P2RX7: variants seen among roughly 807,000 people sequenced by gnomAD.
P2RX7 encodes purinergic receptor P2X 7, also known as P2X purinoceptor 7.
Under a neutral mutation model 71.6 loss-of-function variants are expected in P2RX7, and 62 were observed. That is an observed-to-expected ratio of 0.87 (90% CI 0.71 to 1.07). The LOEUF is 1.07. Among genes scored for constraint, P2RX7 ranks in the 50% least tolerant of loss-of-function variants. The pLI is 0.00. For synonymous variants in P2RX7, 299 were observed against 283.3 expected (o/e 1.06, Z -0.56); for missense variants, 686 against 748.5 (o/e 0.92, Z 0.97).
intron 11 of P2RX7, among the ~76,000 whole-genome samples, chr12:121,177,768 G>C (rs946262017): frequency 8.6e-5 from 13 of 151,424 alleles, no homozygotes; most frequent in Admixed American, 8.6e-4. Context: ...ACCCAGGCTG[G>C]AGTGCAGAGG....
In P2RX7 at chr12:121,165,823, C is replaced by G. The variant is rs189540547; in HGVS notation, c.615-235C>G. ...CAGAGCAAGCAACCAAGAGTATAAC[C>G]AAGATGGAAGCCACAGTCTTTGGGG... is the stretch of plus-strand genomic sequence containing the variant. On this transcript the variant is annotated intron_variant, in intron 6 of 12. Coordinates refer to ENST00000328963, the MANE Select transcript of P2RX7 (RefSeq NM_002562.6). Among the ~76,000 whole-genome samples, 110 of 152,322 alleles carry G rather than the reference C, an allele frequency of 7.2e-4. 1 individual carries two copies. The highest frequency in any genetic ancestry group is 2.6e-3 in the African/African-American group (109 of 41,582).
At position 121,166,182 on chromosome 12, in the gene P2RX7, A is replaced by G. The variant is rs1378882624; in HGVS notation, c.739A>G (p.Ile247Val). 1.9e-6 allele frequency: 3 copies of G among 1,612,866 alleles called. No homozygotes were observed. The highest frequency in any genetic ancestry group is 1.7e-5 in the Admixed American group (1 of 59,976). The change falls in exon 7 of 13, where the codon ATT (isoleucine) becomes GTT (valine). Residue 247 changes from isoleucine (I) to valine (V), a missense_variant. By Grantham distance (29) the Ile-to-Val change is conservative. Coordinates refer to ENST00000328963, the MANE Select transcript of P2RX7 (RefSeq NM_002562.6). ...ETGDNFSDVA[I>V]QGGIMGIEIY... is the part of the protein sequence containing the mutation. ...AGGCGATAATTTTTCAGATGTGGCA[A>G]TTCAGGTTGGTGGTGCTTTGTACAC... is the stretch of plus-strand genomic sequence containing the variant.
At chr12:121,166,319 C>T (rs28360453) in intron 7 of P2RX7, 132 bp downstream of exon 7, 47,934 of 957,400 alleles carry the variant, frequency 0.05, 1,627 homozygotes, top group Non-Finnish European at 0.059. Flanking sequence ...TAAATCCACC[C>T]GCTACGCTAA....
intron 1 of P2RX7, among the ~76,000 whole-genome samples, chr12:121,144,253 A>G (rs1457862558): frequency 1.3e-5 from 2 of 152,208 alleles, no homozygotes; most frequent in Non-Finnish European, 2.9e-5. Flanking sequence ...GCTGGAGTGC[A>G]GTGGTATGAT....
At chr12:121,146,211 G>A (rs1338556216) in intron 1 of P2RX7, among the ~76,000 whole-genome samples, 1 of 149,312 alleles carries the variant, frequency 6.7e-6, no homozygotes, top group African/African-American at 2.5e-5. Flanking sequence ...CGGGCCCTGT[G>A]CTCCCAGCCT....
At position 121,162,515 on chromosome 12, in the gene P2RX7, C is replaced by A; in HGVS notation, c.528C>A (p.Ala176=). The A allele has an allele frequency of 1.2e-6, 2 of 1,612,650 alleles. No homozygotes were observed. Among genetic ancestry groups the A allele is most frequent in the South Asian group, 1.1e-5 (1 of 91,068 alleles). ...AWCPIEAVEE[A]PRPALLNSAE... ...GCCCCATCGAGGCAGTGGAAGAGGC[C>A]CCCCGGTGAGTCGCATGGGGAGACA... Residue 176 remains alanine, a synonymous_variant, in exon 5 of 13, where the codon GCC becomes GCA. Coordinates refer to ENST00000328963, the MANE Select transcript of P2RX7 (RefSeq NM_002562.6).
At chr12:121,141,275 A>G (rs590477) in intron 1 of P2RX7, among the ~76,000 whole-genome samples, 23,541 of 152,186 alleles carry the variant, frequency 0.15, 3,139 homozygotes, top group African/African-American at 0.36. Context: ...CTGCCTCCGC[A>G]TCTGATTTTC....
chr12:121,153,034 T>TGTCAAATCTGAGCTATC (rs1877782698), intron 1 of P2RX7, among the ~76,000 whole-genome samples: 1 of 152,234 alleles, frequency 6.6e-6, no homozygotes, highest in South Asian at 2.1e-4. Flanking sequence ...TACTTGCTAT[T>TGTCAAATCTGAGCTATC]GTCAAATCTG....
intron 7 of P2RX7, among the ~76,000 whole-genome samples, chr12:121,167,271 G>A (rs503720): frequency 0.32 from 48,769 of 151,764 alleles, 8,245 homozygotes; most frequent in African/African-American, 0.38. Context: ...TGAGTTTAAC[G>A]GTGATGTGTC....
In P2RX7 at chr12:121,186,192, A is replaced by G. The variant is rs1369889871; in HGVS notation, c.*1390A>G. 1.3e-5 allele frequency: 2 copies of G among 152,480 alleles called. No homozygotes were observed. The highest frequency in any genetic ancestry group is 2.9e-5 in the Non-Finnish European group (2 of 68,284). The allele number at this position is 152,480 out of a possible 1,614,324, so 9.4% of individuals were successfully genotyped here. A position where few individuals can be genotyped will look rare whatever the true frequency, so the allele number is the denominator to read the frequency against. ...CAAGCCCAGTCACCAAACATGAGAG[A>G]GAAGAAGCCTTCAGGTGATTCTGGA... On this transcript the variant is annotated 3_prime_UTR_variant, in exon 13 of 13. Coordinates refer to ENST00000328963, the MANE Select transcript of P2RX7 (RefSeq NM_002562.6).
intron 1 of P2RX7, among the ~76,000 whole-genome samples, chr12:121,143,418 G>A (rs1875441870): frequency 6.6e-6 from 1 of 151,678 alleles, no homozygotes; most frequent in African/African-American, 2.4e-5. Context: ...ACCAGGCATG[G>A]TGCTGCGTGC....
At chr12:121,163,192 A>G (rs1165714255) in intron 5 of P2RX7, among the ~76,000 whole-genome samples, 1 of 152,144 alleles carries the variant, frequency 6.6e-6, no homozygotes, top group African/African-American at 2.4e-5. Flanking sequence ...AAAATGGCTT[A>G]ACCTCTCTGA....
intron 1 of P2RX7, among the ~76,000 whole-genome samples, chr12:121,138,874 T>C (rs1405786303): frequency 6.6e-6 from 1 of 152,226 alleles, no homozygotes; most frequent in Non-Finnish European, 1.5e-5. Context: ...ACTTTACTAC[T>C]ATTTGGTTTC....
Position 121,186,963 on chromosome 12 carries a change from A to C in P2RX7, c.*2161A>C, listed in dbSNP as rs1884949206. The C allele has an allele frequency of 6.6e-6, 1 of 152,262 alleles. No individual in the cohort carries two copies. Among genetic ancestry groups the C allele is most frequent in the Admixed American group, 6.5e-5 (1 of 15,286 alleles). 9.4% of individuals were successfully genotyped at this position (152,262 alleles called of 1,614,324 possible). On this transcript the variant is annotated 3_prime_UTR_variant, in exon 13 of 13. Transcript: ENST00000328963. ...ATTAACACTCTGTACTTTGCAGCCA[A>C]TCAGAACTGACGCAGTCTGGGTGCT...
At chr12:121,175,662 G>T (rs35530189) in intron 9 of P2RX7, among the ~76,000 whole-genome samples, 184 bp downstream of exon 9, 2 of 152,128 alleles carry the variant, frequency 1.3e-5, no homozygotes, top group African/African-American at 4.8e-5. Context: ...GTCATCTGAC[G>T]AGTACAGGAG....
Position 121,160,209 on chromosome 12 carries a change from G to A in P2RX7, c.364-693G>A, listed in dbSNP as rs568590972. Among the ~76,000 whole-genome samples, 56 of 150,306 alleles carry A rather than the reference G, an allele frequency of 3.7e-4. 1 individual carries two copies. Among genetic ancestry groups the A allele is most frequent in the Admixed American group, 6.7e-4 (10 of 14,932 alleles). ...GTCACCCAGGCTGGAGTGCAGTGACGCAATCTCAGCTCACTGCAACCTCCA... is the reference window on the plus strand; with the variant it reads ...GTCACCCAGGCTGGAGTGCAGTGACACAATCTCAGCTCACTGCAACCTCCA... On this transcript the variant is annotated intron_variant, in intron 3 of 12. Transcript: ENST00000328963.
chr12:121,175,319 A>AAAAAAAAC, intron 8 of P2RX7, 69 bp from the exon 9 acceptor site: 1 of 948,272 alleles, frequency 1.1e-6, no homozygotes, highest in South Asian at 1.5e-5. Context: ...TCAAAAAAAA[A>AAAAAAAAC]AAAAAAAAAA....
At chr12:121,167,790 G>T (rs1367467649) in intron 8 of P2RX7, among the ~76,000 whole-genome samples, 166 bp downstream of exon 8, 1 of 151,770 alleles carries the variant, frequency 6.6e-6, no homozygotes, top group Admixed American at 6.6e-5. Context: ...ATTCTCAAAA[G>T]AGATGCACAC....
chr12:121,184,170 G>A (rs1161548720), intron 12 of P2RX7, 135 bp from the exon 13 acceptor site: 1 of 1,075,700 alleles, frequency 9.3e-7, no homozygotes, highest in Non-Finnish European at 1.3e-6. Flanking sequence ...GCATGGTCCT[G>A]ATATCTACAC....
Sources: gnomAD v4.1 joint callset for allele counts (sites outside exome capture counted in the v4.1 genomes callset) on GRCh38, gnomAD v4.1.1 for gene constraint, MANE v1.5 for transcripts, NCBI Gene and HGNC (gene_info 2026-07-23, HGNC 2026-07-21) for gene names.